Variants in OSMR observed in about 807,000 individuals in gnomAD.
The protein encoded by OSMR is oncostatin-M-specific receptor subunit beta.
Under a neutral mutation model 99.9 loss-of-function variants are expected in OSMR, and 81 were observed. That is an observed-to-expected ratio of 0.81 (90% CI 0.68 to 0.97). The LOEUF (loss-of-function observed/expected upper bound fraction) is 0.97. Among genes scored for constraint, OSMR ranks in the 50% least tolerant of loss-of-function variants. The probability of loss-of-function intolerance (pLI) is 0.00; values close to 1 mark genes in which losing one functional copy is unlikely to be tolerated. For missense variants in OSMR, 1,099 were observed against 1,153.4 expected (o/e 0.95, Z 0.68); for synonymous variants, 406 against 410.4 (o/e 0.99, Z 0.13).
intron 16 of OSMR, 35 bp downstream of exon 16, chr5:38,931,999 A>C: frequency 6.8e-7 from 1 of 1,468,744 alleles, no homozygotes; most frequent in Non-Finnish European, 9.5e-7. Context: ...CCAAGAAGAG[A>C]GTAAGAGAAA....
chr5:38,921,257 C>G (rs987300948), intron 11 of OSMR, among the ~76,000 whole-genome samples: 1 of 151,878 alleles, frequency 6.6e-6, no homozygotes, highest in African/African-American at 2.4e-5. Flanking sequence ...TTTTTACAAC[C>G]CTTAAAATGT....
At chr5:38,868,580 C>T (rs1479133820) in intron 1 of OSMR, among the ~76,000 whole-genome samples, 2 of 152,174 alleles carry the variant, frequency 1.3e-5, no homozygotes, top group African/African-American at 2.4e-5. Flanking sequence ...CTTGCTGCTG[C>T]CATGTAAGAA....
chr5:38,917,093 C>T (rs921007353), intron 9 of OSMR, among the ~76,000 whole-genome samples: 1 of 152,032 alleles, frequency 6.6e-6, no homozygotes, highest in Non-Finnish European at 1.5e-5. Flanking sequence ...AGTGAGCGGG[C>T]CAGCCGTGGG....
chr5:38,888,142 G>A (rs1056451266), intron 7 of OSMR, among the ~76,000 whole-genome samples: 1 of 152,166 alleles, frequency 6.6e-6, no homozygotes, highest in African/African-American at 2.4e-5. Flanking sequence ...ATAAGAGGAA[G>A]CTGGAGGAGT....
downstream of OSMR, chr5:38,939,376 T>C (rs1747287974): frequency 4.3e-6 from 1 of 232,256 alleles, no homozygotes; most frequent in African/African-American, 2.2e-5. Context: ...AAAGAGCCTC[T>C]TTTAATGTCA....
rs983939202 is a variant in OSMR, at chr5:38,924,358, A to G, written c.1871-64A>G. On this transcript the variant is annotated intron_variant, in intron 13 of 17. Coordinates refer to ENST00000274276, the MANE Select transcript of OSMR (RefSeq NM_003999.3). The stretch of plus-strand genomic sequence containing the variant: ...CTGGCTATGGTTCTTCTATTAGTTG[A>G]CATGAATATTCTGAGACTGTTTCCA... 1.3e-5 allele frequency: 21 copies of G among 1,610,892 alleles called. No individual in the cohort carries two copies. The African/African-American group carries it at 2.8e-4, about 22-fold the overall frequency.
intron 15 of OSMR, among the ~76,000 whole-genome samples, chr5:38,931,095 C>CA (rs1746724547): frequency 6.6e-6 from 1 of 152,022 alleles, no homozygotes; most frequent in South Asian, 2.1e-4. Flanking sequence ...ACAGATTTCA[C>CA]AATGGTCATT....
At chr5:38,894,502 G>T (rs1579727716) in intron 7 of OSMR, among the ~76,000 whole-genome samples, 1 of 151,856 alleles carries the variant, frequency 6.6e-6, no homozygotes, top group Admixed American at 6.6e-5. Context: ...GTTGGAGAAA[G>T]ATCTGTCATA....
chr5:38,944,991 A>G, exon 3 of OSMR: 1 of 1,613,716 alleles, frequency 6.2e-7, no homozygotes, highest in East Asian at 2.2e-5. Flanking sequence ...GAAATCCCCG[A>G]AAACTTAGAG....
intron 7 of OSMR, among the ~76,000 whole-genome samples, chr5:38,894,550 T>C (rs111615631): frequency 4.3e-4 from 65 of 151,384 alleles, no homozygotes; most frequent in Non-Finnish European, 7.4e-4. Flanking sequence ...GATATTCTTA[T>C]ATCAGGTAAA....
chr5:38,848,486 A>G (rs1740067192), intron 1 of OSMR, among the ~76,000 whole-genome samples: 1 of 152,200 alleles, frequency 6.6e-6, no homozygotes, highest in Admixed American at 6.5e-5. Context: ...TTTAAAAATA[A>G]TACAAATAAT....
At chr5:38,925,173 C>G (rs1326326206) in intron 14 of OSMR, 31 bp from the exon 15 acceptor site, 1 of 1,607,888 alleles carries the variant, frequency 6.2e-7, no homozygotes. Flanking sequence ...CTTTTTTTTC[C>G]TTGAAAAAAA....
At chr5:38,929,445 T>G (rs936713358) in intron 15 of OSMR, among the ~76,000 whole-genome samples, 1 of 152,228 alleles carries the variant, frequency 6.6e-6, no homozygotes, top group Non-Finnish European at 1.5e-5. Context: ...CCTTCTGAAT[T>G]TAATAGGCAT....
At position 38,924,666 on chromosome 5, in the gene OSMR, G is replaced by A. The variant is rs144722606; in HGVS notation, c.2044+71G>A. On this transcript the variant is annotated intron_variant, in intron 14 of 17. Transcript: ENST00000274276. Reference sequence around the variant, plus strand: ...TTATTTGAAATCATTTAAAATAATGGCTGCCATCTCAGACTGTGGCCAGGC... The same window carrying A: ...TTATTTGAAATCATTTAAAATAATGACTGCCATCTCAGACTGTGGCCAGGC... 378 of 1,284,842 alleles carry A rather than the reference G, an allele frequency of 2.9e-4. 1 individual carries two copies. In the African/African-American group the frequency reaches 5.1e-3, roughly 17 times the overall value. 79.6% of individuals were successfully genotyped at this position (1,284,842 alleles called of 1,614,324 possible). A position where few individuals can be genotyped will look rare whatever the true frequency, so the allele number is the denominator to read the frequency against.
At chr5:38,878,344 G>C in intron 3 of OSMR, among the ~76,000 whole-genome samples, 1 of 152,094 alleles carries the variant, frequency 6.6e-6, no homozygotes, top group East Asian at 1.9e-4. Flanking sequence ...TCTCATTCAT[G>C]CTGGGGGCTG....
At chr5:38,940,936 CA>C in intron 1 of OSMR, 1 of 232,438 alleles carries the variant, frequency 4.3e-6, no homozygotes, top group African/African-American at 2.2e-5. Flanking sequence ...ATGTTATACA[CA>C]AATGAATTAA....
chr5:38,932,487 C>T lies in OSMR; in HGVS notation c.2319C>T (p.Asp773=). Residue 773 remains aspartate (D), a synonymous_variant, in exon 17 of 18, where the codon GAC becomes GAT. Coordinates refer to ENST00000274276, the MANE Select transcript of OSMR (RefSeq NM_003999.3). Reference sequence around the variant, plus strand: ...GGATCAAGGAGACCTGTTATCCTGACATCCCTGACCCTTACAAGAGCAGCA... The same window carrying T: ...GGATCAAGGAGACCTGTTATCCTGATATCCCTGACCCTTACAAGAGCAGCA... The part of the protein sequence containing the change: ...SQWIKETCYP[D]IPDPYKSSIL... 1.9e-6 allele frequency: 3 copies of T among 1,613,758 alleles called. No individual in the cohort carries two copies. Among genetic ancestry groups the T allele is most frequent in the East Asian group, 2.2e-5 (1 of 44,860 alleles).
chr5:38,846,781 C>T (rs573132600), intron 1 of OSMR, among the ~76,000 whole-genome samples: 5 of 152,168 alleles, frequency 3.3e-5, no homozygotes, highest in Non-Finnish European at 5.9e-5. Context: ...GTGGAAGTGG[C>T]CCTCTACATT....
At chr5:38,887,759 A>C (rs893096451) in intron 7 of OSMR, among the ~76,000 whole-genome samples, 3 of 152,210 alleles carry the variant, frequency 2.0e-5, no homozygotes, top group African/African-American at 7.2e-5. Context: ...CACTTAATCT[A>C]TAAATGCAAC....
Sources: allele counts gnomAD v4.1 joint callset (sites outside exome capture counted in the v4.1 genomes callset), GRCh38; gene constraint gnomAD v4.1.1; transcripts MANE v1.5; gene names NCBI Gene and HGNC (gene_info 2026-07-23, HGNC 2026-07-21).